UBP1: variants seen among roughly 807,000 people sequenced by gnomAD.
UBP1 encodes upstream binding protein 1, also known as upstream-binding protein 1.
In UBP1, 22 loss-of-function variants were observed where a neutral mutation model predicts 76.1. The ratio of observed to expected loss-of-function variants is 0.29; its 90% CI spans 0.21 to 0.41. The LOEUF (loss-of-function observed/expected upper bound fraction) is 0.41, where lower values mean the gene tolerates loss of function less well. UBP1 is among the 10% of genes least tolerant of loss of function. UBP1 has a pLI of 1.00. For missense variants in UBP1, 436 were observed against 668.1 expected, an observed-to-expected ratio of 0.65 and a Z score of 3.83; for synonymous variants, 224 against 237.1, an observed-to-expected ratio of 0.94 and a Z score of 0.51.
Position 33,408,759 on chromosome 3 carries a change from A to T in UBP1, c.858T>A (p.His286Gln), listed in dbSNP as rs199854270. ...TCCGCTTGCTGGACTTTTTCTGCTC[A>T]TGTTCAACTGCATCTTCAATTATAG... ...LEPIIEDAVE[H>Q]EQKKSSKRTL... Residue 286 changes from histidine (H) to glutamine (Q), a missense_variant, in exon 8 of 16, where the codon CAT becomes CAA. By Grantham distance (24) the His-to-Gln change is conservative (BLOSUM62 0). Coordinates refer to ENST00000283629, the MANE Select transcript of UBP1 (RefSeq NM_014517.5). 1 of 1,614,028 alleles carries T rather than the reference A, an allele frequency of 6.2e-7. No individual in the cohort carries two copies. Among genetic ancestry groups the T allele is most frequent in the East Asian group, 2.2e-5 (1 of 44,870 alleles).
chr3:33,439,936 G>A lies in UBP1; in HGVS notation c.-88C>T. On this transcript the variant is annotated 5_prime_UTR_variant, in exon 1 of 16. Transcript: ENST00000283629. ...CTCCGCTGGCGCGTCCTGGGGGAGG[G>A]CGCGGGTGAAGCCTCCGGAGGGGCG... 6 of 1,469,952 alleles carry A rather than the reference G, an allele frequency of 4.1e-6. No individual in the cohort carries two copies. Among genetic ancestry groups the A allele is most frequent in the Non-Finnish European group, 5.6e-6 (6 of 1,075,192 alleles). The allele number at this position is 1,469,952 out of a possible 1,614,324, so 91.1% of individuals were successfully genotyped here.
At chr3:33,408,592 A>G in intron 8 of UBP1, 98 bp downstream of exon 8, 1 of 939,650 alleles carries the variant, frequency 1.1e-6, no homozygotes, top group East Asian at 2.7e-5. Flanking sequence ...ATGGACATCA[A>G]AAACAATTTT....
intron 2 of UBP1, among the ~76,000 whole-genome samples, chr3:33,417,170 A>C (rs1431022773): frequency 6.6e-6 from 1 of 152,206 alleles, no homozygotes; most frequent in Non-Finnish European, 1.5e-5. Flanking sequence ...ACATTTTTAA[A>C]AAGTGTGTAA....
At chr3:33,404,240 G>A (rs560461934) in intron 8 of UBP1, among the ~76,000 whole-genome samples, 4 of 152,156 alleles carry the variant, frequency 2.6e-5, no homozygotes, top group Admixed American at 6.5e-5. Context: ...GTGACACCCC[G>A]TCTCTACTAA....
intron 2 of UBP1, among the ~76,000 whole-genome samples, chr3:33,424,098 A>G (rs536570345): frequency 6.6e-6 from 1 of 152,356 alleles, no homozygotes; most frequent in East Asian, 1.9e-4. Flanking sequence ...ATCTTTAGAA[A>G]TAAAGTTACA....
intron 2 of UBP1, among the ~76,000 whole-genome samples, chr3:33,424,959 T>C (rs2044986920): frequency 6.6e-6 from 1 of 152,014 alleles, no homozygotes; most frequent in Admixed American, 6.6e-5. Flanking sequence ...GCACGAGAAT[T>C]GCTTTAACCT....
chr3:33,396,540 T>G, intron 12 of UBP1: 1 of 462,174 alleles, frequency 2.2e-6, no homozygotes, highest in South Asian at 2.7e-5. Flanking sequence ...GTTTCAAGAT[T>G]AAGTCAGCAA....
chr3:33,426,822 G>C (rs1048183228), intron 1 of UBP1, among the ~76,000 whole-genome samples: 1 of 152,166 alleles, frequency 6.6e-6, no homozygotes, highest in Non-Finnish European at 1.5e-5. Context: ...CCATTCAGAT[G>C]ATGGCCATCT....
intron 11 of UBP1, 96 bp downstream of exon 11, chr3:33,400,093 T>C (rs2044164308): frequency 4.1e-6 from 3 of 723,518 alleles, no homozygotes; most frequent in Middle Eastern, 2.8e-4. Flanking sequence ...TTCCTATCCA[T>C]AGTTATTTCA....
intron 8 of UBP1, among the ~76,000 whole-genome samples, chr3:33,408,152 C>T (rs771637480): frequency 5.3e-5 from 8 of 151,808 alleles, no homozygotes; most frequent in Non-Finnish European, 8.8e-5. Context: ...CAAACAGGCT[C>T]TTAGAAGCAT....
At chr3:33,434,367 C>G (rs1362468902) in intron 1 of UBP1, among the ~76,000 whole-genome samples, 3 of 142,242 alleles carry the variant, frequency 2.1e-5, no homozygotes, top group African/African-American at 7.9e-5. Flanking sequence ...GGAGCAATCT[C>G]GGCTCACTGT....
At chr3:33,419,195 G>A (rs1413483038) in intron 2 of UBP1, among the ~76,000 whole-genome samples, 1 of 152,074 alleles carries the variant, frequency 6.6e-6, no homozygotes, top group Non-Finnish European at 1.5e-5. Context: ...CTGACTTGAG[G>A]CAGAAAAATC....
Position 33,400,199 on chromosome 3 carries a change from A to T in UBP1, c.1170T>A (p.Ser390=), listed in dbSNP as rs754922328. 6.3e-7 allele frequency: 1 copy of T among 1,588,638 alleles called. No homozygotes were observed. The highest frequency in any genetic ancestry group is 8.5e-7 in the Non-Finnish European group (1 of 1,171,648). Residue 390 remains serine, a synonymous_variant, in exon 11 of 16, where the codon TCT becomes TCA. Transcript: ENST00000283629. ...CACACATACACATACCTGAAAAATT[A>T]GAGAACAGTCTTGTGTAGGAAGAGA... ...NRFSSYTRLF[S]NFSGADLLKL...
intron 1 of UBP1, among the ~76,000 whole-genome samples, chr3:33,433,424 G>A (rs2045148897): frequency 6.7e-6 from 1 of 150,092 alleles, no homozygotes; most frequent in African/African-American, 2.5e-5. Flanking sequence ...GGAGTCCGAG[G>A]CGGGCAGATC....
intron 1 of UBP1, among the ~76,000 whole-genome samples, chr3:33,427,866 C>T (rs1235112810): frequency 6.6e-6 from 1 of 152,218 alleles, no homozygotes; most frequent in Admixed American, 6.5e-5. Context: ...CCCACCTAAG[C>T]TCCTGCCTTG....
At position 33,402,797 on chromosome 3, in the gene UBP1, A is replaced by C; in HGVS notation, c.1031+4T>G. 1 of 1,554,518 alleles carries C rather than the reference A, an allele frequency of 6.4e-7. No individual in the cohort carries two copies. Among genetic ancestry groups the C allele is most frequent in the Non-Finnish European group, 8.7e-7 (1 of 1,154,414 alleles). On this transcript the variant is annotated splice_donor_region_variant and intron_variant, in intron 9 of 15. Transcript: ENST00000283629. ...GCAGGCACACGATCACACAAACTAG[A>C]TACCTGTCTGGGACACTGCAAGTGC...
intron 8 of UBP1, among the ~76,000 whole-genome samples, chr3:33,404,272 C>T (rs545504374): frequency 6.8e-4 from 104 of 152,010 alleles, no homozygotes; most frequent in Admixed American, 5.9e-3. Context: ...CTTAGCTGGG[C>T]GTAGTGGCGT....
At chr3:33,430,977 C>T (rs2045103195) in intron 1 of UBP1, among the ~76,000 whole-genome samples, 1 of 152,016 alleles carries the variant, frequency 6.6e-6, no homozygotes, top group African/African-American at 2.4e-5. Flanking sequence ...ATTATAAAAT[C>T]GTACTTACTC....
chr3:33,414,783 C>T (rs559524618), intron 3 of UBP1, among the ~76,000 whole-genome samples: 81 of 152,210 alleles, frequency 5.3e-4, no homozygotes, highest in African/African-American at 1.8e-3. Context: ...GCTTATCAAA[C>T]AGAAGATGAA....
Sources: gnomAD v4.1 joint callset for allele counts (sites outside exome capture counted in the v4.1 genomes callset) on GRCh38, gnomAD v4.1.1 for gene constraint, MANE v1.5 for transcripts, NCBI Gene and HGNC (gene_info 2026-07-23, HGNC 2026-07-21) for gene names.